Variants in DLG2 observed in about 807,000 individuals in gnomAD.
DLG2 encodes disks large homolog 2.
In DLG2, 45 loss-of-function variants were observed where a neutral mutation model predicts 132.5. The ratio of observed to expected loss-of-function variants is 0.34; its 90% CI spans 0.27 to 0.44. DLG2 has a LOEUF of 0.44. DLG2 is among the 20% of genes least tolerant of loss of function. DLG2 has a pLI of 1.00. For missense variants in DLG2, 1,045 were observed against 1,196.9 expected (o/e 0.87, Z 1.87); for synonymous variants, 424 against 419.6 (o/e 1.01, Z -0.13).
intron 6 of DLG2, among the ~76,000 whole-genome samples, chr11:84,553,810 T>C (rs1407622226): frequency 6.6e-6 from 1 of 152,234 alleles, no homozygotes; most frequent in Non-Finnish European, 1.5e-5. Flanking sequence ...ATAAGTTTGA[T>C]AATTTCTTCT....
chr11:84,257,036 C>T (rs1377921442), intron 7 of DLG2, among the ~76,000 whole-genome samples: 4 of 152,098 alleles, frequency 2.6e-5, no homozygotes, highest in African/African-American at 9.7e-5. Context: ...ATGCACATAC[C>T]CCATCAACTT....
chr11:85,609,744 A>C (rs550770310), intron 2 of DLG2, among the ~76,000 whole-genome samples: 34 of 152,278 alleles, frequency 2.2e-4, no homozygotes, highest in African/African-American at 7.9e-4. Context: ...GGATACGTTT[A>C]ACCATTGAGG....
At chr11:84,797,411 CTT>C in intron 6 of DLG2, among the ~76,000 whole-genome samples, 1 of 152,220 alleles carries the variant, frequency 6.6e-6, no homozygotes, top group African/African-American at 2.4e-5. Context: ...ATGCTTCATT[CTT>C]TTTTGTATGT....
At chr11:84,510,744 T>A (rs2099254920) in intron 7 of DLG2, among the ~76,000 whole-genome samples, 1 of 152,234 alleles carries the variant, frequency 6.6e-6, no homozygotes, top group South Asian at 2.1e-4. Flanking sequence ...ATTCATCTTT[T>A]ATTCTCTATG....
At chr11:85,428,254 A>G (rs191191878) in intron 3 of DLG2, among the ~76,000 whole-genome samples, 1 of 152,324 alleles carries the variant, frequency 6.6e-6, no homozygotes, top group East Asian at 1.9e-4. Context: ...CAGGAATTCA[A>G]CTCAGCTCTG....
At chr11:83,904,147 G>A (rs1035015607) in intron 15 of DLG2, among the ~76,000 whole-genome samples, 2 of 152,158 alleles carry the variant, frequency 1.3e-5, no homozygotes, top group Non-Finnish European at 2.9e-5. Flanking sequence ...TAAAGGGTGG[G>A]TAGTGTATAC....
intron 18 of DLG2, among the ~76,000 whole-genome samples, chr11:83,657,570 G>A (rs1367856455): frequency 2.7e-5 from 3 of 113,200 alleles, no homozygotes; most frequent in Admixed American, 2.4e-4. Flanking sequence ...ATGGAGTCTC[G>A]TTCTGTCACC....
chr11:85,246,599 G>C (rs1346018037), intron 4 of DLG2, among the ~76,000 whole-genome samples: 1 of 140,094 alleles, frequency 7.1e-6, no homozygotes, highest in Non-Finnish European at 1.5e-5. Context: ...CCAACTACTA[G>C]ATAAAATAAG....
intron 4 of DLG2, among the ~76,000 whole-genome samples, chr11:85,257,222 T>C (rs2076717252): frequency 6.6e-6 from 1 of 152,160 alleles, no homozygotes; most frequent in South Asian, 2.1e-4. Flanking sequence ...GCTGTGAAAG[T>C]AGGCTTAAGG....
At chr11:84,226,244 AG>A (rs1472746917) in intron 8 of DLG2, among the ~76,000 whole-genome samples, 2 of 152,216 alleles carry the variant, frequency 1.3e-5, no homozygotes, top group Non-Finnish European at 2.9e-5. Context: ...TGATGTTACT[AG>A]GGATGATATT....
chr11:84,360,303 G>T (rs1440675440), intron 7 of DLG2, among the ~76,000 whole-genome samples: 1 of 151,814 alleles, frequency 6.6e-6, no homozygotes, highest in Non-Finnish European at 1.5e-5. Flanking sequence ...CAAGGGAATA[G>T]AAAAGAAAAC....
intron 11 of DLG2, among the ~76,000 whole-genome samples, chr11:84,055,585 A>T (rs950716487): frequency 6.6e-6 from 1 of 152,042 alleles, no homozygotes; most frequent in Non-Finnish European, 1.5e-5. Flanking sequence ...CCTACACTAT[A>T]GCCATCACAC....
At chr11:83,711,819 GC>G (rs1265275098) in intron 18 of DLG2, among the ~76,000 whole-genome samples, 1 of 142,412 alleles carries the variant, frequency 7.0e-6, no homozygotes, top group African/African-American at 2.9e-5. Context: ...CTGAGAGCTT[GC>G]TATAATCATT....
chr11:85,442,069 A>C (rs1253444134), intron 3 of DLG2, among the ~76,000 whole-genome samples: 1 of 152,150 alleles, frequency 6.6e-6, no homozygotes, highest in Non-Finnish European at 1.5e-5. Context: ...GCTGAGACAC[A>C]ATGAGCAAGG....
At chr11:84,263,694 T>C (rs1216408501) in intron 7 of DLG2, among the ~76,000 whole-genome samples, 2 of 152,294 alleles carry the variant, frequency 1.3e-5, no homozygotes, top group Admixed American at 6.5e-5. Flanking sequence ...CTACTCACCA[T>C]AATTTGACAC....
At chr11:84,728,624 T>G (rs1308571218) in intron 6 of DLG2, among the ~76,000 whole-genome samples, 1 of 152,164 alleles carries the variant, frequency 6.6e-6, no homozygotes, top group Admixed American at 6.5e-5. Context: ...TAGGGAGGAT[T>G]CCCTCTTTTT....
chr11:85,535,229 G>A (rs114836586), intron 3 of DLG2, among the ~76,000 whole-genome samples: 2,259 of 152,186 alleles, frequency 0.015, 51 homozygotes, highest in African/African-American at 0.05. Flanking sequence ...GTGATGCGGA[G>A]TATTTAGCTG....
rs192285761 is a variant in DLG2 at position 84,029,398 on chromosome 11, T to A, written c.919+29917A>T. On this transcript the variant is annotated intron_variant, in intron 11 of 27. Transcript: ENST00000376104. ...CATCATCCACATTTCCTTGTCCTAA[T>A]GAAATTCACACTCTTTGCAGAAATG... Among the ~76,000 whole-genome samples, 34 of 152,120 alleles carry A rather than the reference T, an allele frequency of 2.2e-4. No individual in the cohort carries two copies. In the East Asian group the frequency reaches 5.8e-3, roughly 26 times the overall value.
chr11:84,347,525 C>G (rs542293849), intron 7 of DLG2, among the ~76,000 whole-genome samples: 8 of 152,244 alleles, frequency 5.3e-5, no homozygotes, highest in Non-Finnish European at 1.0e-4. Context: ...TCTAGTCTTT[C>G]TCGCAGCAAT....
Sources: gnomAD v4.1 joint callset for allele counts (sites outside exome capture counted in the v4.1 genomes callset) on GRCh38, gnomAD v4.1.1 for gene constraint, MANE v1.5 for transcripts, NCBI Gene and HGNC (gene_info 2026-07-23, HGNC 2026-07-21) for gene names.